The following TSHZ2 variants were observed in gnomAD, a reference collection of about 807,000 sequenced individuals.
TSHZ2 encodes teashirt zinc finger homeobox 2, also known as teashirt homolog 2.
Under a neutral mutation model 74.4 loss-of-function variants are expected in TSHZ2, and 21 were observed. The ratio of observed to expected loss-of-function variants is 0.28; its 90% confidence interval spans 0.20 to 0.41. TSHZ2 has a LOEUF of 0.41. Among genes scored for constraint, TSHZ2 ranks in the 10% least tolerant of loss-of-function variants. TSHZ2 has a pLI of 1.00. For missense variants in TSHZ2, 1,244 were observed against 1,293.5 expected (o/e 0.96, Z 0.59); for synonymous variants, 540 against 515.3 (o/e 1.05, Z -0.65).
intron 1 of TSHZ2, among the ~76,000 whole-genome samples, chr20:53,095,559 A>G (rs1986013970): frequency 6.6e-6 from 1 of 152,188 alleles, no homozygotes; most frequent in African/African-American, 2.4e-5. Flanking sequence ...AGCAGCAACA[A>G]TAATAAATTT....
In TSHZ2 at chr20:53,395,218, A is replaced by G. The variant is rs1392077114; in HGVS notation, c.*9-91926A>G. On this transcript the variant is annotated intron_variant, in intron 2 of 2. Transcript: ENST00000371497. ...ACAATAAAAATAGATTGTCCTGGAGAAGCAGTTTCTGGAGTAAGAAAAATG... is the reference window on the plus strand; with the variant it reads ...ACAATAAAAATAGATTGTCCTGGAGGAGCAGTTTCTGGAGTAAGAAAAATG... Among the ~76,000 whole-genome samples the G allele has an allele frequency of 2.6e-5, 4 of 152,218 alleles. No individual in the cohort carries two copies. In the East Asian group the frequency reaches 7.7e-4, roughly 29 times the overall value.
intron 2 of TSHZ2, among the ~76,000 whole-genome samples, chr20:53,347,505 C>T (rs1313613316): frequency 1.3e-5 from 2 of 152,144 alleles, no homozygotes; most frequent in African/African-American, 4.8e-5. Context: ...CCCCCCAACT[C>T]CTTATTCAAC....
At chr20:53,098,500 A>G (rs964245869) in intron 1 of TSHZ2, among the ~76,000 whole-genome samples, 2 of 152,230 alleles carry the variant, frequency 1.3e-5, no homozygotes, top group African/African-American at 4.8e-5. Context: ...TAAGTCAACA[A>G]CTAAAGAGAC....
intron 2 of TSHZ2, among the ~76,000 whole-genome samples, chr20:53,298,272 G>A (rs1194889164): frequency 6.6e-6 from 1 of 152,230 alleles, no homozygotes; most frequent in African/African-American, 2.4e-5. Flanking sequence ...GAGGAGAGGG[G>A]CAGAGAACAA....
chr20:53,050,187 G>GTATA (rs536983015), intron 1 of TSHZ2, among the ~76,000 whole-genome samples: 189 of 128,110 alleles, frequency 1.5e-3, no homozygotes, highest in African/African-American at 5.5e-3. Flanking sequence ...ACATATATAT[G>GTATA]TATATATATA....
At chr20:53,242,933 T>A (rs377128223) in intron 1 of TSHZ2, among the ~76,000 whole-genome samples, 1 of 152,314 alleles carries the variant, frequency 6.6e-6, no homozygotes. Flanking sequence ...ACCTGCCCTC[T>A]GGGAGCTTAC....
chr20:53,441,890 A>G (rs191445723), intron 2 of TSHZ2, among the ~76,000 whole-genome samples: 1 of 152,308 alleles, frequency 6.6e-6, no homozygotes, highest in African/African-American at 2.4e-5. Context: ...CCTTTTCATT[A>G]TAACCCTTTA....
At chr20:52,991,849 G>C (rs1982010318) in intron 1 of TSHZ2, among the ~76,000 whole-genome samples, 1 of 151,878 alleles carries the variant, frequency 6.6e-6, no homozygotes, top group Non-Finnish European at 1.5e-5. Flanking sequence ...TTTTGCGTTT[G>C]TGGTGGACCT....
intron 1 of TSHZ2, among the ~76,000 whole-genome samples, chr20:53,004,570 G>A (rs572125482): frequency 1.2e-4 from 19 of 152,214 alleles, no homozygotes; most frequent in Admixed American, 2.0e-4. Context: ...CAGACCTGCC[G>A]GGAAAAGCAT....
intron 2 of TSHZ2, among the ~76,000 whole-genome samples, chr20:53,374,799 A>C (rs188747879): frequency 3.7e-4 from 57 of 152,182 alleles, no homozygotes; most frequent in Non-Finnish European, 2.9e-5. Flanking sequence ...CTTTTTTTGA[A>C]AAGTGACTGT....
intron 1 of TSHZ2, among the ~76,000 whole-genome samples, chr20:53,108,625 A>AT (rs55828849): frequency 0.07 from 10,729 of 152,230 alleles, 450 homozygotes; most frequent in Non-Finnish European, 0.1. Context: ...TGGCTCCAAT[A>AT]TCCAGTAGGA....
chr20:53,487,979 C>G lies in TSHZ2; in HGVS notation c.*844C>G, dbSNP rs1485516876. 6.6e-6 allele frequency: 1 copy of G among 152,168 alleles called. No homozygotes were observed. Among genetic ancestry groups the G allele is most frequent in the African/African-American group, 2.4e-5 (1 of 41,444 alleles). The allele number at this position is 152,168 out of a possible 1,614,324, so 9.4% of individuals were successfully genotyped here. ...TGGGAGAATAGGTGAAATGCAGAAT[C>G]TGAGAGAACGCGAGAAGATGAGATC... On this transcript the variant is annotated 3_prime_UTR_variant, in exon 3 of 3. Transcript: ENST00000371497.
chr20:53,301,175 C>T (rs1421262849), intron 2 of TSHZ2, among the ~76,000 whole-genome samples: 1 of 151,986 alleles, frequency 6.6e-6, no homozygotes, highest in East Asian at 1.9e-4. Flanking sequence ...CCAGGCTGGT[C>T]TTGAACTCCT....
chr20:53,289,855 G>C (rs1006368323), intron 2 of TSHZ2, among the ~76,000 whole-genome samples: 18 of 152,158 alleles, frequency 1.2e-4, no homozygotes, highest in African/African-American at 4.3e-4. Context: ...TTGAAATTTT[G>C]CAATGAGTGC....
intron 2 of TSHZ2, among the ~76,000 whole-genome samples, chr20:53,412,110 G>A (rs181706144): frequency 1.1e-4 from 17 of 152,242 alleles, no homozygotes; most frequent in Non-Finnish European, 2.4e-4. Flanking sequence ...TAGCAGGGAC[G>A]AGCCCATGGT....
At chr20:53,014,455 C>A (rs1982964003) in intron 1 of TSHZ2, among the ~76,000 whole-genome samples, 1 of 152,044 alleles carries the variant, frequency 6.6e-6, no homozygotes, top group Admixed American at 6.6e-5. Context: ...AATTTCTTCA[C>A]CTATTTATGG....
At chr20:53,305,576 G>C (rs895432275) in intron 2 of TSHZ2, among the ~76,000 whole-genome samples, 1 of 152,166 alleles carries the variant, frequency 6.6e-6, no homozygotes, top group Non-Finnish European at 1.5e-5. Context: ...GCTCCAATGA[G>C]TTTGGCTCTG....
At position 53,224,941 on chromosome 20, in the gene TSHZ2, A is replaced by C. The variant is rs1220266352; in HGVS notation, c.41-28558A>C. On this transcript the variant is annotated intron_variant, in intron 1 of 2. Coordinates refer to ENST00000371497, the MANE Select transcript of TSHZ2 (RefSeq NM_173485.6). The stretch of plus-strand genomic sequence containing the variant: ...CCACAAGAACTGGAGATGATTAATT[A>C]TTCCTGTAATTGCTTAAATCAGAGT... Among the ~76,000 whole-genome samples, 3 of 152,220 alleles carry C rather than the reference A, an allele frequency of 2.0e-5. No homozygotes were observed. The East Asian group carries it at 5.8e-4, about 29-fold the overall frequency.
chr20:53,035,472 AACTC>A (rs1188495340), intron 1 of TSHZ2, among the ~76,000 whole-genome samples: 2 of 152,212 alleles, frequency 1.3e-5, no homozygotes, highest in Non-Finnish European at 2.9e-5. Context: ...TTGCTATAAA[AACTC>A]AAGAGGAAAT....
Sources: allele counts gnomAD v4.1 joint callset (sites outside exome capture counted in the v4.1 genomes callset), GRCh38; gene constraint gnomAD v4.1.1; transcripts MANE v1.5; gene names NCBI Gene and HGNC (gene_info 2026-07-23, HGNC 2026-07-21).